ABCA12: variants seen among roughly 807,000 people sequenced by gnomAD.
ABCA12 encodes glucosylceramide transporter ABCA12.
A neutral mutation model predicts 293.5 loss-of-function variants in ABCA12; 156 were observed. That is an observed-to-expected ratio of 0.53 (90% confidence interval 0.47 to 0.61). ABCA12 has a LOEUF of 0.61. Ranked by LOEUF, ABCA12 falls within the 20% of genes least tolerant of loss-of-function variation. The probability of loss-of-function intolerance (pLI) is 0.00; values close to 1 mark genes in which losing one functional copy is unlikely to be tolerated. For synonymous variants in ABCA12, 1,063 were observed against 1,108.0 expected (o/e 0.96, Z 0.81); for missense variants, 2,797 against 3,090.2 (o/e 0.91, Z 2.25).
intron 19 of ABCA12, 89 bp downstream of exon 19, chr2:215,007,638 T>A: frequency 1.3e-6 from 2 of 1,513,184 alleles, no homozygotes; most frequent in Non-Finnish European, 1.8e-6. Context: ...ATACGGAAAG[T>A]TACCCCCTTC....
At position 214,953,883 on chromosome 2, in the gene ABCA12, T is replaced by C. The variant is rs576646428; in HGVS notation, c.6618A>G (p.Leu2206=). The C allele has an allele frequency of 5.6e-6, 9 of 1,613,990 alleles. No homozygotes were observed. The African/African-American group carries it at 1.2e-4, about 22-fold the overall frequency. The change falls in exon 44 of 53, where the codon TTA becomes TTG. Residue 2206 remains leucine (L), a synonymous_variant. Coordinates refer to ENST00000272895, the MANE Select transcript of ABCA12 (RefSeq NM_173076.3). ...QGTMFFSLRL[L]INESLIKKLR... is the part of the protein sequence containing the mutation. ...GTTTCTTTATCAGGGATTCGTTGAT[T>C]AAGAGTCGCAAGGAAAAAAACATGG...
chr2:214,954,228 T>C, intron 43 of ABCA12, 121 bp from the exon 44 acceptor site: 1 of 997,324 alleles, frequency 1.0e-6, no homozygotes, highest in African/African-American at 1.6e-5. Context: ...GATTGGCAAT[T>C]ATTTCCCATA....
intron 3 of ABCA12, 79 bp downstream of exon 3, chr2:215,063,987 C>G: frequency 6.3e-7 from 1 of 1,588,622 alleles, no homozygotes; most frequent in South Asian, 1.1e-5. Flanking sequence ...TCTAAGCTTG[C>G]ATGGCTTCCT....
intron 33 of ABCA12, among the ~76,000 whole-genome samples, 173 bp downstream of exon 33, chr2:214,978,143 T>C (rs933450994): frequency 2.0e-5 from 3 of 152,186 alleles, no homozygotes; most frequent in African/African-American, 7.2e-5. Context: ...AGAATTCGAT[T>C]TGGTTTAATG....
At chr2:214,968,697 C>T in intron 38 of ABCA12, 23 bp downstream of exon 38, 1 of 1,604,710 alleles carries the variant, frequency 6.2e-7, no homozygotes, top group Non-Finnish European at 8.5e-7. Flanking sequence ...GTATAACATT[C>T]CAGAAAAAAG....
At chr2:214,935,800 AAAAAAAT>A (rs1421940123) in intron 51 of ABCA12, among the ~76,000 whole-genome samples, 1 of 152,114 alleles carries the variant, frequency 6.6e-6, no homozygotes, top group African/African-American at 2.4e-5. Context: ...CTGTGTCTTA[AAAAAAAT>A]TTTTTTTAAG....
At chr2:215,105,393 A>G (rs1418047488) in intron 2 of ABCA12, among the ~76,000 whole-genome samples, 1 of 152,128 alleles carries the variant, frequency 6.6e-6, no homozygotes, top group Non-Finnish European at 1.5e-5. Context: ...GAGGACATTC[A>G]GACACCTCCT....
rs140162886 is a variant in ABCA12 at position 215,107,389 on chromosome 2, A to G, written c.163+4208T>C. On this transcript the variant is annotated intron_variant, in intron 2 of 52. Transcript: ENST00000272895. ...TGACAAGCTGCTGCATGTGGAGATT[A>G]TAAGAGATTGAAACTACTTCAAACT... is the stretch of plus-strand genomic sequence containing the variant. 3.0e-3 allele frequency among the ~76,000 whole-genome samples: 460 copies of G among 152,322 alleles called. 2 individuals carry two copies. Among genetic ancestry groups the G allele is most frequent in the African/African-American group, 0.01 (423 of 41,566 alleles).
intron 2 of ABCA12, among the ~76,000 whole-genome samples, chr2:215,064,502 A>G (rs1436617251): frequency 1.3e-5 from 2 of 152,076 alleles, no homozygotes; most frequent in Non-Finnish European, 2.9e-5. Context: ...CTAAGGAAAT[A>G]CTTACAGGTA....
At chr2:215,130,697 T>C (rs899818913) in intron 1 of ABCA12, among the ~76,000 whole-genome samples, 7 of 152,152 alleles carry the variant, frequency 4.6e-5, no homozygotes, top group Admixed American at 2.0e-4. Context: ...CAGAGATAAG[T>C]TGACTTCCTC....
At position 215,045,821 on chromosome 2, in the gene ABCA12, T is replaced by A; in HGVS notation, c.872+16A>T. ...TGTGAACACTAATATTACATTTAATTCTTACATTTTCTTACCTGTTTGCCT... is the reference window on the plus strand; with the variant it reads ...TGTGAACACTAATATTACATTTAATACTTACATTTTCTTACCTGTTTGCCT... On this transcript the variant is annotated intron_variant, in intron 7 of 52. Coordinates refer to ENST00000272895, the MANE Select transcript of ABCA12 (RefSeq NM_173076.3). 1 of 1,608,658 alleles carries A rather than the reference T, an allele frequency of 6.2e-7. No individual in the cohort carries two copies. Among genetic ancestry groups the A allele is most frequent in the Non-Finnish European group, 8.5e-7 (1 of 1,175,902 alleles).
intron 50 of ABCA12, among the ~76,000 whole-genome samples, chr2:214,938,177 C>T (rs1698281283): frequency 6.7e-6 from 1 of 149,836 alleles, no homozygotes; most frequent in African/African-American, 2.4e-5. Flanking sequence ...CATTGTTCAA[C>T]TCCCACTTAT....
intron 33 of ABCA12, 100 bp downstream of exon 33, chr2:214,978,216 A>T (rs1699564902): frequency 1.4e-6 from 2 of 1,391,080 alleles, no homozygotes; most frequent in Non-Finnish European, 2.0e-6. Flanking sequence ...TTTAGAATGA[A>T]ACTTTAGAGT....
intron 9 of ABCA12, chr2:215,030,273 A>G (rs1251413208): frequency 6.6e-6 from 1 of 152,096 alleles, no homozygotes; most frequent in Non-Finnish European, 1.5e-5. Flanking sequence ...ATTATTTTTG[A>G]TGGCTATATA....
chr2:215,037,451 C>G (rs1167311870), intron 7 of ABCA12, among the ~76,000 whole-genome samples: 1 of 151,984 alleles, frequency 6.6e-6, no homozygotes, highest in African/African-American at 2.4e-5. Context: ...TCATTAAAAA[C>G]CAAACCCAAA....
intron 30 of ABCA12, 121 bp downstream of exon 30, chr2:214,982,066 C>T: frequency 1.0e-6 from 1 of 990,244 alleles, no homozygotes; most frequent in Non-Finnish European, 1.6e-6. Context: ...CCTGTCTTGG[C>T]CTCCCAAAGT....
Position 214,974,865 on chromosome 2 carries a change from C to G in ABCA12, c.5382-1G>C. ...TGCTTCCGTGCTCGGGTGATAATTA[C>G]TGCAATATGAAAGGACAGAAACAAA... On this transcript the variant is annotated splice_acceptor_variant, in intron 34 of 52. Transcript: ENST00000272895. LOFTEE classifies it high-confidence loss of function. The G allele has an allele frequency of 6.2e-7, 1 of 1,613,378 alleles. No homozygotes were observed. The highest frequency in any genetic ancestry group is 1.1e-5 in the South Asian group (1 of 91,066).
At chr2:214,948,773 A>T (rs780505089) in intron 46 of ABCA12, 36 bp from the exon 47 acceptor site, 4 of 1,613,670 alleles carry the variant, frequency 2.5e-6, no homozygotes, top group Non-Finnish European at 3.4e-6. Flanking sequence ...GATGAATTTC[A>T]AAAGATTTAT....
Position 214,947,452 on chromosome 2 carries a change from G to C in ABCA12, c.7209C>G (p.Ala2403=), listed in dbSNP as rs746403011. Reference sequence around the variant, plus strand: ...GTAGAATGGAAGGTTTCCCTATCAAGGCCAGTGCAGTGGATAATTTTCTTT... The same window carrying C: ...GTAGAATGGAAGGTTTCCCTATCAACGCCAGTGCAGTGGATAATTTTCTTT... ...GTKRKLSTAL[A]LIGKPSILLL... is the part of the protein sequence containing the mutation. The change falls in exon 48 of 53, where the codon GCC becomes GCG. Residue 2403 remains alanine (A), a synonymous_variant. Transcript: ENST00000272895. 6.4e-5 allele frequency: 104 copies of C among 1,613,790 alleles called. 3 individuals carry two copies. The highest frequency in any genetic ancestry group is 5.8e-4 in the South Asian group (53 of 91,068).
Sources: gnomAD v4.1 joint callset for allele counts (sites outside exome capture counted in the v4.1 genomes callset) on GRCh38, gnomAD v4.1.1 for gene constraint, MANE v1.5 for transcripts, NCBI Gene and HGNC (gene_info 2026-07-23, HGNC 2026-07-21) for gene names.